Variants in MAPKAP1 observed in about 807,000 individuals in gnomAD.
The protein encoded by MAPKAP1 is target of rapamycin complex 2 subunit MAPKAP1.
MAPKAP1 carries 20 observed loss-of-function variants against 65.7 expected under a neutral mutation model. That is an observed-to-expected ratio of 0.30 (90% CI 0.21 to 0.44). The LOEUF (loss-of-function observed/expected upper bound fraction) is 0.44, where lower values mean the gene tolerates loss of function less well. Among genes scored for constraint, MAPKAP1 ranks in the 20% least tolerant of loss-of-function variants. The pLI, the probability that MAPKAP1 is intolerant of heterozygous loss-of-function variation, is 1.00. For synonymous variants in MAPKAP1, 222 were observed against 244.3 expected (o/e 0.91, Z 0.85); for missense variants, 423 against 648.0 (o/e 0.65, Z 3.77).
chr9:125,564,496 A>G (rs1195591278), intron 5 of MAPKAP1, among the ~76,000 whole-genome samples: 1 of 152,146 alleles, frequency 6.6e-6, no homozygotes, highest in Non-Finnish European at 1.5e-5. Context: ...CAATTTAGAA[A>G]TTTGAAGCAG....
intron 4 of MAPKAP1, among the ~76,000 whole-genome samples, chr9:125,587,202 G>A (rs559820540): frequency 1.3e-5 from 2 of 152,272 alleles, no homozygotes; most frequent in Admixed American, 6.5e-5. Context: ...ATTAGGCAAC[G>A]ATTTCTTTAA....
chr9:125,499,578 A>G (rs1313231429), intron 8 of MAPKAP1, among the ~76,000 whole-genome samples: 1 of 152,188 alleles, frequency 6.6e-6, no homozygotes. Context: ...AGGCTCAGAG[A>G]GATCACATAA....
At chr9:125,469,980 A>G (rs1357479191) in intron 9 of MAPKAP1, among the ~76,000 whole-genome samples, 7 of 152,222 alleles carry the variant, frequency 4.6e-5, no homozygotes, top group Non-Finnish European at 8.8e-5. Context: ...GACATTTATA[A>G]AAGTCAAAAT....
intron 4 of MAPKAP1, among the ~76,000 whole-genome samples, chr9:125,602,217 C>T (rs181880317): frequency 3.0e-4 from 45 of 152,170 alleles, no homozygotes; most frequent in East Asian, 1.5e-3. Flanking sequence ...CACACCACTG[C>T]GCTCCAGCCT....
chr9:125,445,268 A>T (rs921157407), intron 10 of MAPKAP1, among the ~76,000 whole-genome samples: 2 of 152,198 alleles, frequency 1.3e-5, no homozygotes, highest in African/African-American at 4.8e-5. Context: ...CTTCAGGATG[A>T]CACTTGTCAT....
At chr9:125,518,596 G>C (rs1457533343) in intron 7 of MAPKAP1, among the ~76,000 whole-genome samples, 3 of 152,188 alleles carry the variant, frequency 2.0e-5, no homozygotes, top group Non-Finnish European at 4.4e-5. Flanking sequence ...CTTAAACCCA[G>C]GAGTTCAAGG....
At chr9:125,604,180 GAAAA>G (rs1324625951) in intron 4 of MAPKAP1, among the ~76,000 whole-genome samples, 1 of 152,096 alleles carries the variant, frequency 6.6e-6, no homozygotes, top group African/African-American at 2.4e-5. Context: ...CTACATTCAT[GAAAA>G]TTTAACCCAG....
At chr9:125,614,105 A>G (rs1406733796) in intron 4 of MAPKAP1, among the ~76,000 whole-genome samples, 1 of 152,156 alleles carries the variant, frequency 6.6e-6, no homozygotes, top group Admixed American at 6.5e-5. Context: ...GCCAAAAAAG[A>G]GCAATTTCTA....
At chr9:125,577,088 G>A (rs372869124) in intron 5 of MAPKAP1, among the ~76,000 whole-genome samples, 6,855 of 149,156 alleles carry the variant, frequency 0.046, 247 homozygotes, top group East Asian at 0.14. Context: ...GCCTCTTCCC[G>A]GCCGCCATCC....
At chr9:125,496,623 C>G (rs1437125287) in intron 8 of MAPKAP1, among the ~76,000 whole-genome samples, 1 of 152,166 alleles carries the variant, frequency 6.6e-6, no homozygotes, top group African/African-American at 2.4e-5. Context: ...GCACAGAGCA[C>G]ACGCAGGAGG....
chr9:125,526,936 G>C (rs1829787131), intron 7 of MAPKAP1, among the ~76,000 whole-genome samples: 1 of 151,814 alleles, frequency 6.6e-6, no homozygotes, highest in South Asian at 2.1e-4. Flanking sequence ...ACCACGCCCA[G>C]CTAATTTTTT....
At chr9:125,457,585 A>G (rs1351082562) in intron 10 of MAPKAP1, among the ~76,000 whole-genome samples, 3 of 152,186 alleles carry the variant, frequency 2.0e-5, no homozygotes, top group African/African-American at 7.2e-5. Context: ...AGGTGTCTGC[A>G]TTGTGCTGTC....
intron 4 of MAPKAP1, among the ~76,000 whole-genome samples, chr9:125,617,782 G>A (rs755793986): frequency 2.7e-4 from 41 of 152,096 alleles, no homozygotes; most frequent in Admixed American, 7.2e-4. Context: ...AAGCTATAAG[G>A]AAAAGCAAGG....
intron 10 of MAPKAP1, among the ~76,000 whole-genome samples, chr9:125,459,833 A>G (rs1359275552): frequency 2.1e-4 from 7 of 33,374 alleles, no homozygotes; most frequent in Non-Finnish European, 2.3e-4. Flanking sequence ...GACCGTGGAA[A>G]GAGAGGGAGA....
intron 4 of MAPKAP1, among the ~76,000 whole-genome samples, chr9:125,617,048 G>T (rs1005510184): frequency 6.6e-6 from 1 of 152,128 alleles, no homozygotes; most frequent in Admixed American, 6.5e-5. Context: ...CTATTTGTGT[G>T]TGTGTGAAGT....
chr9:125,653,958 A>G (rs1833961949), intron 4 of MAPKAP1, among the ~76,000 whole-genome samples: 1 of 152,208 alleles, frequency 6.6e-6, no homozygotes, highest in African/African-American at 2.4e-5. Flanking sequence ...TATTAAGGAT[A>G]ATATCTGCAA....
intron 10 of MAPKAP1, among the ~76,000 whole-genome samples, chr9:125,455,355 T>C (rs979021730): frequency 2.6e-5 from 4 of 152,264 alleles, no homozygotes; most frequent in Non-Finnish European, 5.9e-5. Flanking sequence ...TGGAACACTA[T>C]CTGATGGGGG....
chr9:125,586,088 A>C (rs1426091217), intron 4 of MAPKAP1, among the ~76,000 whole-genome samples: 1 of 152,024 alleles, frequency 6.6e-6, no homozygotes, highest in African/African-American at 2.4e-5. Context: ...CAACTGTCTC[A>C]TTGTCCTTGA....
At chr9:125,455,433 T>G (rs150807970) in intron 10 of MAPKAP1, among the ~76,000 whole-genome samples, 4 of 152,198 alleles carry the variant, frequency 2.6e-5, no homozygotes, top group Middle Eastern at 3.2e-3. Flanking sequence ...AAGGGCCAGA[T>G]AGTAAATGCT....
Sources: allele counts gnomAD v4.1 joint callset (sites outside exome capture counted in the v4.1 genomes callset), GRCh38; gene constraint gnomAD v4.1.1; transcripts MANE v1.5; gene names NCBI Gene and HGNC (gene_info 2026-07-23, HGNC 2026-07-21).